KSR2: variants seen among roughly 807,000 people sequenced by gnomAD.
The protein encoded by KSR2 is kinase suppressor of ras 2.
Under a neutral mutation model 107.8 loss-of-function variants are expected in KSR2, and 25 were observed. The ratio of observed to expected loss-of-function variants is 0.23; its 90% confidence interval spans 0.17 to 0.32. The LOEUF is 0.32. KSR2 is among the 10% of genes least tolerant of loss of function. The pLI is 1.00. For missense variants in KSR2, 887 were observed against 1,268.9 expected, an observed-to-expected ratio of 0.70 and a Z score of 4.57; for synonymous variants, 480 against 507.0, an observed-to-expected ratio of 0.95 and a Z score of 0.71.
intron 1 of KSR2, among the ~76,000 whole-genome samples, chr12:117,967,782 C>T (rs1896841513): frequency 6.6e-6 from 1 of 152,080 alleles, no homozygotes; most frequent in Admixed American, 6.6e-5. Flanking sequence ...CGAATGACAA[C>T]GGTAACAGCC....
chr12:117,645,857 A>G (rs79915854), intron 5 of KSR2, among the ~76,000 whole-genome samples: 4,631 of 131,132 alleles, frequency 0.035, 242 homozygotes, highest in African/African-American at 0.12. Flanking sequence ...TGGAATGTGC[A>G]TGTGTATGTG....
chr12:117,740,562 A>C (rs1288235649), intron 4 of KSR2, among the ~76,000 whole-genome samples: 4 of 87,432 alleles, frequency 4.6e-5, no homozygotes, highest in South Asian at 9.3e-4. Flanking sequence ...ATAATATATG[A>C]ATATATAACA....
intron 5 of KSR2, among the ~76,000 whole-genome samples, chr12:117,647,453 C>T (rs771711840): frequency 1.7e-4 from 26 of 152,134 alleles, no homozygotes; most frequent in Non-Finnish European, 2.9e-4. Flanking sequence ...GGAGCCAGCA[C>T]GGGCCCAGGG....
intron 5 of KSR2, among the ~76,000 whole-genome samples, chr12:117,611,923 T>A (rs1043840373): frequency 1.3e-5 from 2 of 152,148 alleles, no homozygotes; most frequent in East Asian, 3.8e-4. Context: ...GTCAAATTCA[T>A]AGAGACAGAA....
chr12:117,954,774 G>T (rs1025945715), intron 1 of KSR2, among the ~76,000 whole-genome samples: 2 of 152,148 alleles, frequency 1.3e-5, no homozygotes, highest in African/African-American at 4.8e-5. Context: ...CCAGCACTTT[G>T]GGAGGCCAAG....
intron 5 of KSR2, among the ~76,000 whole-genome samples, chr12:117,590,478 T>A (rs554371079): frequency 3.8e-4 from 58 of 152,290 alleles, no homozygotes; most frequent in African/African-American, 1.3e-3. Context: ...ATCTCCCTCA[T>A]AAGATTGGTA....
intron 7 of KSR2, 59 bp downstream of exon 7, chr12:117,579,060 G>T: frequency 1.6e-6 from 2 of 1,232,320 alleles, no homozygotes; most frequent in Non-Finnish European, 2.4e-6. Flanking sequence ...TCAGTGCCCT[G>T]CATGGTTCTA....
At chr12:117,881,256 T>A (rs1469307539) in intron 1 of KSR2, among the ~76,000 whole-genome samples, 3 of 152,218 alleles carry the variant, frequency 2.0e-5, no homozygotes, top group Non-Finnish European at 4.4e-5. Flanking sequence ...AGGGTTCAGA[T>A]TCATGGTCTC....
chr12:117,923,215 C>CATCTATCT (rs368881568), intron 1 of KSR2, among the ~76,000 whole-genome samples: 4 of 152,100 alleles, frequency 2.6e-5, no homozygotes, highest in South Asian at 2.1e-4. Flanking sequence ...AACTATCTAT[C>CATCTATCT]ATCTATCTAT....
rs575378934 is a variant in KSR2 at position 117,524,893 on chromosome 12, C to T, written c.2178G>A (p.Met726Ile). The change falls in exon 14 of 20, where the codon ATG becomes ATA. Residue 726 changes from methionine (M) to isoleucine (I), a missense_variant. Met to Ile is a conservative substitution (Grantham distance 10). Transcript: ENST00000339824. ...GGTGAGGCGGGCTCATGCAGGCACC[C>T]ATGAAAAGCACCACGTTCTCATGCC... ...QTRHENVVLF[M>I]GACMSPPHLA... 1 of 1,613,444 alleles carries T rather than the reference C, an allele frequency of 6.2e-7. No homozygotes were observed. The highest frequency in any genetic ancestry group is 1.3e-5 in the African/African-American group (1 of 75,046).
At chr12:117,491,437 C>T (rs1872739082) in intron 14 of KSR2, among the ~76,000 whole-genome samples, 2 of 152,200 alleles carry the variant, frequency 1.3e-5, no homozygotes, top group East Asian at 1.9e-4. Context: ...ATCTCGGCCT[C>T]CCAAAGTGCT....
chr12:117,727,458 G>A (rs1161531917), intron 4 of KSR2, among the ~76,000 whole-genome samples: 1 of 137,680 alleles, frequency 7.3e-6, no homozygotes, highest in African/African-American at 2.5e-5. Context: ...AAAAGGAGGA[G>A]GAAGAGGAGG....
At chr12:117,699,553 G>T (rs1375240428) in intron 4 of KSR2, among the ~76,000 whole-genome samples, 3 of 152,164 alleles carry the variant, frequency 2.0e-5, no homozygotes, top group Admixed American at 6.5e-5. Flanking sequence ...CAACTGTAAT[G>T]CAATGTAATT....
intron 10 of KSR2, among the ~76,000 whole-genome samples, chr12:117,537,166 T>C (rs944915801): frequency 1.3e-5 from 2 of 152,058 alleles, no homozygotes; most frequent in South Asian, 4.2e-4. Context: ...TGAACCAAGA[T>C]CGCACCACTG....
intron 4 of KSR2, among the ~76,000 whole-genome samples, chr12:117,729,930 G>A (rs1404726400): frequency 1.3e-5 from 2 of 152,168 alleles, no homozygotes; most frequent in Non-Finnish European, 2.9e-5. Flanking sequence ...CATGACTTCA[G>A]CCTCTGGGTC....
At chr12:117,903,157 C>T (rs553693061) in intron 1 of KSR2, among the ~76,000 whole-genome samples, 71 of 152,082 alleles carry the variant, frequency 4.7e-4, no homozygotes, top group Non-Finnish European at 8.2e-4. Context: ...TACATTTTGT[C>T]GTCAGGTTTG....
intron 4 of KSR2, among the ~76,000 whole-genome samples, chr12:117,729,331 C>T (rs974279365): frequency 2.0e-5 from 3 of 152,094 alleles, no homozygotes; most frequent in Non-Finnish European, 4.4e-5. Flanking sequence ...CAAGATTCTG[C>T]TTGCCATAGG....
intron 5 of KSR2, among the ~76,000 whole-genome samples, chr12:117,620,707 A>G (rs1206941050): frequency 1.3e-5 from 2 of 152,204 alleles, no homozygotes; most frequent in African/African-American, 4.8e-5. Context: ...ACATGGCTCA[A>G]ATGTAGGTCA....
chr12:117,848,850 A>ATGATGGTGG (rs1555249551), intron 3 of KSR2, among the ~76,000 whole-genome samples: 1 of 87,044 alleles, frequency 1.1e-5, no homozygotes, highest in African/African-American at 3.3e-5. Context: ...GGTGATGGTG[A>ATGATGGTGG]TGATGGTGAT....
Sources: allele counts gnomAD v4.1 joint callset (sites outside exome capture counted in the v4.1 genomes callset), GRCh38; gene constraint gnomAD v4.1.1; transcripts MANE v1.5; gene names NCBI Gene and HGNC (gene_info 2026-07-23, HGNC 2026-07-21).